The following TRPV6 variants were observed in gnomAD, a reference collection of about 807,000 sequenced individuals.
The protein encoded by TRPV6 is Alu-binding protein with zinc finger domain.
Under a neutral mutation model 79.0 loss-of-function variants are expected in TRPV6, and 39 were observed. That is an observed-to-expected ratio of 0.49 (90% CI 0.38 to 0.64). TRPV6 has a LOEUF of 0.64. Among genes scored for constraint, TRPV6 ranks in the 30% least tolerant of loss-of-function variants. The pLI is 0.00. For missense variants in TRPV6, 813 were observed against 1,011.1 expected (o/e 0.80, Z 2.66); for synonymous variants, 373 against 391.9 (o/e 0.95, Z 0.57).
chr7:142,876,164 G>A lies in TRPV6; in HGVS notation c.882+244C>T, dbSNP rs184503052. The A allele has an allele frequency of 4.3e-5, 30 of 697,810 alleles. No homozygotes were observed. The East Asian group carries it at 7.1e-4, about 17-fold the overall frequency. The allele number at this position is 697,810 out of a possible 1,614,324, so 43.2% of individuals were successfully genotyped here. A position where few individuals can be genotyped will look rare whatever the true frequency, so the allele number is the denominator to read the frequency against. On this transcript the variant is annotated intron_variant, in intron 6 of 14. Coordinates refer to ENST00000359396, the MANE Select transcript of TRPV6 (RefSeq NM_018646.6). ...CCTGCTCTGGGGGCTGAAAGGGAAG[G>A]TGGGCTGGGGCATTACAGACAATCC...
At chr7:142,876,214 C>A in intron 6 of TRPV6, 194 bp downstream of exon 6, 3 of 858,596 alleles carry the variant, frequency 3.5e-6, no homozygotes, top group Non-Finnish European at 5.3e-6. Flanking sequence ...GACTCTGTAA[C>A]CCCCAATGCC....
Position 142,871,616 on chromosome 7 carries a change from A to G in TRPV6, c.*91T>C. The G allele has an allele frequency of 6.8e-7, 1 of 1,461,332 alleles. No homozygotes were observed. The highest frequency in any genetic ancestry group is 9.2e-7 in the Non-Finnish European group (1 of 1,082,660). 90.5% of individuals were successfully genotyped at this position (1,461,332 alleles called of 1,614,324 possible). On this transcript the variant is annotated 3_prime_UTR_variant, in exon 15 of 15. Transcript: ENST00000359396. ...TCCTCTTTCTCCCCTGGGGCCTGGG[A>G]GATGAGACCTCTGGGTGTTTGGTTT...
intron 1 of TRPV6, chr7:142,883,299 G>C (rs989927461): frequency 1.3e-5 from 2 of 152,228 alleles, no homozygotes; most frequent in African/African-American, 4.8e-5. Context: ...TAAGCACCAA[G>C]AAACGTCCAC....
Position 142,877,651 on chromosome 7 carries a change from C to T in TRPV6, c.469G>A (p.Gly157Ser). The T allele has an allele frequency of 6.2e-7, 1 of 1,614,108 alleles. No individual in the cohort carries two copies. The highest frequency in any genetic ancestry group is 8.5e-7 in the Non-Finnish European group (1 of 1,179,988). The change falls in exon 3 of 15, where the codon GGT (glycine) becomes AGT (serine). Residue 157 changes from glycine to serine, a missense_variant and splice_region_variant. Gly to Ser is a moderately conservative substitution (Grantham distance 56). Coordinates refer to ENST00000359396, the MANE Select transcript of TRPV6 (RefSeq NM_018646.6). ...TCACCCCAGACCCGTGGGCCCTCAC[C>T]CTCATAGAGCTCAGATGTCATGGGC...
intron 1 of TRPV6, chr7:142,882,516 G>A (rs1795213884): frequency 6.6e-6 from 1 of 152,182 alleles, no homozygotes; most frequent in African/African-American, 2.4e-5. Context: ...GCAAGCCTGA[G>A]CAGTGACCAC....
chr7:142,877,416 C>T, intron 3 of TRPV6, 137 bp from the exon 4 acceptor site: 2 of 1,486,690 alleles, frequency 1.3e-6, no homozygotes, highest in Non-Finnish European at 1.8e-6. Flanking sequence ...TTCAGGATTC[C>T]CAGGGGATCC....
rs778441354 is a variant in TRPV6 at position 142,876,420 on chromosome 7, C to T, written c.870G>A (p.Glu290=). ...GACCGTCTCTCACCACAGTGTTACCCTCCACTCCAGCCAGCTTGAAAGGGG... is the reference window on the plus strand; with the variant it reads ...GACCGTCTCTCACCACAGTGTTACCTTCCACTCCAGCCAGCTTGAAAGGGG... The change falls in exon 6 of 15, where the codon GAG becomes GAA. Residue 290 remains glutamate, a synonymous_variant. Transcript: ENST00000359396. The T allele has an allele frequency of 6.2e-7, 1 of 1,613,756 alleles. No homozygotes were observed. Among genetic ancestry groups the T allele is most frequent in the Non-Finnish European group, 8.5e-7 (1 of 1,179,802 alleles).
rs1369112091 is a variant in TRPV6, at chr7:142,876,546, G to C, written c.744C>G (p.Asn248Lys). The change falls in exon 6 of 15, where the codon AAC (asparagine) becomes AAG (lysine). Residue 248 changes from asparagine to lysine, a missense_variant. Coordinates refer to ENST00000359396, the MANE Select transcript of TRPV6 (RefSeq NM_018646.6). ...TGTACATCTGGCAGGCAAAGGTTTTGTTGGGCTGGAGGATGAGGATGTGTA... is the reference window on the plus strand; with the variant it reads ...TGTACATCTGGCAGGCAAAGGTTTTCTTGGGCTGGAGGATGAGGATGTGTA... 6.2e-7 allele frequency: 1 copy of C among 1,614,046 alleles called. No individual in the cohort carries two copies. The highest frequency in any genetic ancestry group is 1.3e-5 in the African/African-American group (1 of 74,910).
chr7:142,876,135 G>A, intron 6 of TRPV6: 1 of 666,272 alleles, frequency 1.5e-6, no homozygotes, highest in Admixed American at 3.0e-5. Context: ...AGAGGCTGGA[G>A]GGCCCTGCTC....
In TRPV6 at chr7:142,871,618, A is replaced by G; in HGVS notation, c.*89T>C. 1 of 1,478,094 alleles carries G rather than the reference A, an allele frequency of 6.8e-7. No individual in the cohort carries two copies. Among genetic ancestry groups the G allele is most frequent in the Non-Finnish European group, 9.1e-7 (1 of 1,097,200 alleles). 91.6% of individuals were successfully genotyped at this position (1,478,094 alleles called of 1,614,324 possible). A position where few individuals can be genotyped will look rare whatever the true frequency, so the allele number is the denominator to read the frequency against. On this transcript the variant is annotated 3_prime_UTR_variant, in exon 15 of 15. Transcript: ENST00000359396. ...CTCTTTCTCCCCTGGGGCCTGGGAGATGAGACCTCTGGGTGTTTGGTTTTT... is the reference window on the plus strand; with the variant it reads ...CTCTTTCTCCCCTGGGGCCTGGGAGGTGAGACCTCTGGGTGTTTGGTTTTT...
Position 142,876,981 on chromosome 7 carries a change from C to A in TRPV6, c.608-144G>T. 2.1e-6 allele frequency: 3 copies of A among 1,438,348 alleles called. No homozygotes were observed. The South Asian group carries it at 4.1e-5, about 20-fold the overall frequency. The allele number at this position is 1,438,348 out of a possible 1,614,324, so 89.1% of individuals were successfully genotyped here. On this transcript the variant is annotated intron_variant, in intron 4 of 14. Transcript: ENST00000359396. ...TTTCCTGCAGAACCAGAGGAAGGGT[C>A]GTGGGGTAAATTGGCCTCTAGTCTA...
chr7:142,871,800 C>G lies in TRPV6; in HGVS notation c.2205G>C (p.Trp735Cys). 1 of 1,614,204 alleles carries G rather than the reference C, an allele frequency of 6.2e-7. No individual in the cohort carries two copies. Among genetic ancestry groups the G allele is most frequent in the Non-Finnish European group, 8.5e-7 (1 of 1,180,032 alleles). Residue 735 changes from tryptophan to cysteine, a missense_variant, in exon 15 of 15, where the codon TGG (tryptophan) becomes TGC (cysteine). Trp to Cys is a radical substitution (Grantham distance 215). This residue lies in a region of TRPV6 where 164 missense variants were observed against 186.1 expected (regional missense o/e 0.88). Coordinates refer to ENST00000359396, the MANE Select transcript of TRPV6 (RefSeq NM_018646.6). ...TCAGGGTCCCTTGCCGAAGCCTTTC[C>G]CAATTGGCACTGCTGCGGGAGGTAC...
At chr7:142,877,579 C>A in intron 3 of TRPV6, 72 bp downstream of exon 3, 1 of 1,567,272 alleles carries the variant, frequency 6.4e-7, no homozygotes, top group Non-Finnish European at 8.6e-7. Context: ...CCCAAATTAT[C>A]CATCACAGAG....
rs1165204392 is a variant in TRPV6, at chr7:142,872,445, G to C, written c.1942C>G (p.Leu648Val). 6.2e-7 allele frequency: 1 copy of C among 1,614,118 alleles called. No homozygotes were observed. The highest frequency in any genetic ancestry group is 1.6e-4 in the Middle Eastern group (1 of 6,062). ...GAGCGAGGCCACAGGCAGCGAGGCAGCTTCCGCTCCAGCATCACTGTGGTG... is the reference window on the plus strand; with the variant it reads ...GAGCGAGGCCACAGGCAGCGAGGCACCTTCCGCTCCAGCATCACTGTGGTG... Residue 648 changes from leucine (L) to valine (V), a missense_variant, in exon 14 of 15, where the codon CTG becomes GTG. By Grantham distance (32) the Leu-to-Val change is conservative. Transcript: ENST00000359396.
At position 142,871,714 on chromosome 7, in the gene TRPV6, T is replaced by G. The variant is rs1385026929; in HGVS notation, c.2291A>C (p.Gln764Pro). 1 of 1,594,952 alleles carries G rather than the reference T, an allele frequency of 6.3e-7. No individual in the cohort carries two copies. The highest frequency in any genetic ancestry group is 2.2e-5 in the East Asian group (1 of 44,570). The change falls in exon 15 of 15, where the codon CAG becomes CCG. Residue 764 changes from glutamine to proline, a missense_variant. Gln to Pro is a moderately conservative substitution (Grantham distance 76, BLOSUM62 -1). Coordinates refer to ENST00000359396, the MANE Select transcript of TRPV6 (RefSeq NM_018646.6). Reference sequence around the variant, plus strand: ...CGAAGTGAGAACACGCAGTCAGATCTGATATTCCCAGCTCTCCCCGTCCTC... The same window carrying G: ...CGAAGTGAGAACACGCAGTCAGATCGGATATTCCCAGCTCTCCCCGTCCTC...
At position 142,871,317 on chromosome 7, in the gene TRPV6, G is replaced by A; in HGVS notation, c.*390C>T. 1 of 452,928 alleles carries A rather than the reference G, an allele frequency of 2.2e-6. No homozygotes were observed. The highest frequency in any genetic ancestry group is 4.1e-6 in the Non-Finnish European group (1 of 246,700). 28.1% of individuals were successfully genotyped at this position (452,928 alleles called of 1,614,324 possible). A position where few individuals can be genotyped will look rare whatever the true frequency, so the allele number is the denominator to read the frequency against. ...CACTCACACGCTTTCCACAAGCTCT[G>A]CACTTCCCTGCACCTGCCTGGGTGC... On this transcript the variant is annotated 3_prime_UTR_variant, in exon 15 of 15. Coordinates refer to ENST00000359396, the MANE Select transcript of TRPV6 (RefSeq NM_018646.6).
chr7:142,884,817 C>T (rs1029022327), intron 1 of TRPV6: 1 of 152,212 alleles, frequency 6.6e-6, no homozygotes, highest in African/African-American at 2.4e-5. Context: ...TTCATATCCC[C>T]CCAGTGCTGG....
In TRPV6 at chr7:142,875,510, C is replaced by T. The variant is rs4987665; in HGVS notation, c.1200G>A (p.Thr400=). The T allele has an allele frequency of 0.094, 150,350 of 1,604,880 alleles. 14,965 individuals are homozygous for T. The highest frequency in any genetic ancestry group is 0.53 in the African/African-American group (39,286 of 74,706). ...GTAAGAGGGTGTTGTCCCGGGGGCT[C>T]GTGCGGTTATTGGTCCTGGGCTTGA... The change falls in exon 8 of 15, where the codon ACG becomes ACA. Residue 400 remains threonine (T), a synonymous_variant. Coordinates refer to ENST00000359396, the MANE Select transcript of TRPV6 (RefSeq NM_018646.6).
Position 142,871,752 on chromosome 7 carries a change from G to A in TRPV6, c.2253C>T (p.Ile751=), listed in dbSNP as rs775170920. 1 of 1,613,604 alleles carries A rather than the reference G, an allele frequency of 6.2e-7. No homozygotes were observed. Among genetic ancestry groups the A allele is most frequent in the Non-Finnish European group, 8.5e-7 (1 of 1,179,596 alleles). Residue 751 remains isoleucine (I), a synonymous_variant, in exon 15 of 15, where the codon ATC becomes ATT. Coordinates refer to ENST00000359396, the MANE Select transcript of TRPV6 (RefSeq NM_018646.6). ...TCTCCCCGTCCTCCAGACCCCTGTT[G>A]ATTATCCCACGCAGGTCTCTCCTCA... is the stretch of plus-strand genomic sequence containing the variant.
Sources: gnomAD v4.1 joint callset for allele counts on GRCh38, gnomAD v4.1.1 for gene constraint, gnomAD v4.1.1 regional missense constraint, MANE v1.5 for transcripts, NCBI Gene and HGNC (gene_info 2026-07-23, HGNC 2026-07-21) for gene names.